The following IFT52 variants were observed in gnomAD, a reference collection of about 807,000 sequenced individuals.
IFT52 encodes intraflagellar transport 52.
IFT52 carries 44 observed loss-of-function variants against 54.4 expected under a neutral mutation model. The observed-to-expected ratio is 0.81, with a 90% CI of 0.63 to 1.04. The LOEUF (loss-of-function observed/expected upper bound fraction) is 1.04, where lower values mean the gene tolerates loss of function less well. Among genes scored for constraint, IFT52 ranks in the 50% least tolerant of loss-of-function variants. The pLI, the probability that IFT52 is intolerant of heterozygous loss-of-function variation, is 0.00. For synonymous variants in IFT52, 181 were observed against 185.3 expected (o/e 0.98, Z 0.19); for missense variants, 452 against 523.6 (o/e 0.86, Z 1.33).
At chr20:43,598,304 GAATGGAGCGTTGCTGCTT>G (rs1307281218) in intron 3 of IFT52, among the ~76,000 whole-genome samples, 1 of 152,150 alleles carries the variant, frequency 6.6e-6, no homozygotes, top group African/African-American at 2.4e-5. Flanking sequence ...GGGAGGTGGG[GAATGGAGCGTTGCTGCTT>G]AATAGGTATA....
rs568087641 is a variant in IFT52 at position 43,592,853 on chromosome 20, G to A, written c.-7+1799G>A. On this transcript the variant is annotated intron_variant, in intron 1 of 13. Transcript: ENST00000373030. ...CGACTGGGTGCAGTGGCTCATGCCAGTAAACCAGCACTTTGGGAGGTTGAG... is the reference window on the plus strand; with the variant it reads ...CGACTGGGTGCAGTGGCTCATGCCAATAAACCAGCACTTTGGGAGGTTGAG... Among the ~76,000 whole-genome samples, 4 of 152,330 alleles carry A rather than the reference G, an allele frequency of 2.6e-5. No individual in the cohort carries two copies. The East Asian group carries it at 7.7e-4, about 29-fold the overall frequency.
In IFT52 at chr20:43,623,928, T is replaced by C; in HGVS notation, c.806T>C (p.Leu269Pro). Residue 269 changes from leucine (L) to proline (P), a missense_variant, in exon 10 of 14, where the codon CTA (leucine) becomes CCA (proline). Transcript: ENST00000373030. ...ATGATGCTGCCCTACACAGCCACCCTATCAAAGCGGAATCGAGAGTGTCTC... is the reference window on the plus strand; with the variant it reads ...ATGATGCTGCCCTACACAGCCACCCCATCAAAGCGGAATCGAGAGTGTCTC... ...DYMMLPYTAT[L>P]SKRNRECLQE... is the part of the protein sequence containing the mutation. The C allele has an allele frequency of 6.2e-7, 1 of 1,614,180 alleles. No individual in the cohort carries two copies. Among genetic ancestry groups the C allele is most frequent in the Non-Finnish European group, 8.5e-7 (1 of 1,180,022 alleles).
intron 1 of IFT52, among the ~76,000 whole-genome samples, chr20:43,592,792 T>C (rs2145577095): frequency 6.6e-6 from 1 of 152,172 alleles, no homozygotes. Context: ...CTTATGAAAA[T>C]GTTTGTTTAA....
chr20:43,596,900 G>A (rs1384111880), intron 3 of IFT52, among the ~76,000 whole-genome samples: 2 of 151,082 alleles, frequency 1.3e-5, no homozygotes, highest in African/African-American at 4.9e-5. Flanking sequence ...CCACCACCAC[G>A]CCCGGCTAAT....
At chr20:43,593,052 T>C (rs1384308240) in intron 1 of IFT52, among the ~76,000 whole-genome samples, 1 of 152,170 alleles carries the variant, frequency 6.6e-6, no homozygotes, top group Non-Finnish European at 1.5e-5. Flanking sequence ...TGAGTTGTGA[T>C]TGCAGCACTG....
chr20:43,611,847 T>C (rs1173990290), intron 6 of IFT52, among the ~76,000 whole-genome samples: 1 of 151,384 alleles, frequency 6.6e-6, no homozygotes, highest in Non-Finnish European at 1.5e-5. Flanking sequence ...CTGACCAACA[T>C]GGTGAAACCC....
intron 10 of IFT52, among the ~76,000 whole-genome samples, chr20:43,627,298 G>GA (rs1359028861): frequency 6.6e-6 from 1 of 152,220 alleles, no homozygotes; most frequent in East Asian, 1.9e-4. Flanking sequence ...TGTCAAGATG[G>GA]AAAGGGTAAT....
At chr20:43,610,124 C>T (rs1052997867) in intron 6 of IFT52, among the ~76,000 whole-genome samples, 7 of 150,160 alleles carry the variant, frequency 4.7e-5, no homozygotes, top group African/African-American at 1.7e-4. Context: ...ACCCCCATCT[C>T]TACTAAAAAA....
At chr20:43,617,189 A>G (rs1162253085) in intron 7 of IFT52, among the ~76,000 whole-genome samples, 2 of 152,184 alleles carry the variant, frequency 1.3e-5, no homozygotes, top group Non-Finnish European at 2.9e-5. Flanking sequence ...TTTTGTGACT[A>G]TAACTACACA....
intron 13 of IFT52, 66 bp from the exon 14 acceptor site, chr20:43,646,870 T>C (rs1986234378): frequency 1.6e-6 from 2 of 1,271,916 alleles, no homozygotes; most frequent in African/African-American, 2.9e-5. Context: ...TCCAAAGCAC[T>C]GAAGAGTTTA....
chr20:43,631,255 ATAAGT>A (rs1412270544), intron 10 of IFT52, among the ~76,000 whole-genome samples: 1 of 152,212 alleles, frequency 6.6e-6, no homozygotes, highest in Middle Eastern at 3.2e-3. Flanking sequence ...TGAGGATTAA[ATAAGT>A]TTAAGTGCCT....
chr20:43,636,193 T>C (rs1985529139), intron 11 of IFT52, among the ~76,000 whole-genome samples, 180 bp downstream of exon 11: 1 of 152,210 alleles, frequency 6.6e-6, no homozygotes, highest in African/African-American at 2.4e-5. Flanking sequence ...GAGACTTCCA[T>C]GTGGTATGCT....
intron 3 of IFT52, among the ~76,000 whole-genome samples, chr20:43,600,244 C>T (rs1279750642): frequency 2.6e-5 from 4 of 151,830 alleles, no homozygotes; most frequent in Non-Finnish European, 5.9e-5. Flanking sequence ...AAATCATGAG[C>T]CGTGTTGCTG....
At chr20:43,602,902 G>C (rs1391115632) in intron 3 of IFT52, among the ~76,000 whole-genome samples, 1 of 152,126 alleles carries the variant, frequency 6.6e-6, no homozygotes, top group South Asian at 2.1e-4. Flanking sequence ...TGCATGTGAT[G>C]AATCAGTGGG....
At chr20:43,625,664 G>A (rs1226289986) in intron 10 of IFT52, among the ~76,000 whole-genome samples, 2 of 152,168 alleles carry the variant, frequency 1.3e-5, no homozygotes. Context: ...ACGGAGGAAT[G>A]CCTGATACAT....
intron 3 of IFT52, among the ~76,000 whole-genome samples, chr20:43,602,143 T>TTTTTTTATTTA (rs1555801614): frequency 6.9e-6 from 1 of 145,562 alleles, no homozygotes; most frequent in African/African-American, 2.6e-5. Flanking sequence ...CTGATTTTTA[T>TTTTTTTATTTA]TTTATTTATT....
chr20:43,610,749 GAAAAA>G (rs60672285), intron 6 of IFT52, among the ~76,000 whole-genome samples: 1 of 138,694 alleles, frequency 7.2e-6, no homozygotes, highest in East Asian at 2.1e-4. Flanking sequence ...AAAAAAAAAA[GAAAAA>G]AAAAAAGGAA....
chr20:43,602,833 A>G (rs1243463807), intron 3 of IFT52, among the ~76,000 whole-genome samples: 2 of 152,114 alleles, frequency 1.3e-5, no homozygotes, highest in Non-Finnish European at 2.9e-5. Context: ...GGGAGCATAC[A>G]AGAGCGAGAG....
At chr20:43,628,708 G>A (rs1417160269) in intron 10 of IFT52, among the ~76,000 whole-genome samples, 1 of 152,074 alleles carries the variant, frequency 6.6e-6, no homozygotes, top group Non-Finnish European at 1.5e-5. Flanking sequence ...AAAATCAGCC[G>A]AGCTTGGTGG....
Sources: gnomAD v4.1 joint callset for allele counts (sites outside exome capture counted in the v4.1 genomes callset) on GRCh38, gnomAD v4.1.1 for gene constraint, MANE v1.5 for transcripts, NCBI Gene and HGNC (gene_info 2026-07-23, HGNC 2026-07-21) for gene names.